The following TMPRSS4 variants were observed in gnomAD, a reference collection of about 807,000 sequenced individuals.
The protein encoded by TMPRSS4 is transmembrane serine protease 4.
In TMPRSS4, 45 loss-of-function variants were observed where a neutral mutation model predicts 56.4. The ratio of observed to expected loss-of-function variants is 0.80; its 90% CI spans 0.63 to 1.02. The LOEUF is 1.02. Ranked by LOEUF, TMPRSS4 falls within the 50% of genes least tolerant of loss-of-function variation. The pLI is 0.00. For missense variants in TMPRSS4, 546 were observed against 556.7 expected (o/e 0.98, Z 0.19); for synonymous variants, 205 against 211.0 (o/e 0.97, Z 0.25).
intron 3 of TMPRSS4, chr11:118,102,890 G>T: frequency 1.7e-6 from 1 of 593,634 alleles, no homozygotes; most frequent in Non-Finnish European, 3.0e-6. Flanking sequence ...CAGACATCTT[G>T]TGGGGGTGGG....
At chr11:118,077,974 T>C (rs1208436474) in intron 1 of TMPRSS4, among the ~76,000 whole-genome samples, 1 of 128,272 alleles carries the variant, frequency 7.8e-6, no homozygotes, top group Non-Finnish European at 1.5e-5. Flanking sequence ...GATTGTGCCA[T>C]TGCACTCCAA....
At chr11:118,081,025 T>G (rs781597222) in intron 1 of TMPRSS4, among the ~76,000 whole-genome samples, 9 of 152,268 alleles carry the variant, frequency 5.9e-5, no homozygotes, top group Non-Finnish European at 1.2e-4. Context: ...GGACAGGGTC[T>G]GTGTCTTTTC....
At position 118,111,316 on chromosome 11, in the gene TMPRSS4, G is replaced by T. The variant is rs77176658; in HGVS notation, c.584-425G>T. On this transcript the variant is annotated intron_variant, in intron 7 of 12. Coordinates refer to ENST00000437212, the MANE Select transcript of TMPRSS4 (RefSeq NM_019894.4). ...CAGACTTGGAGAAGGGGGAGTTTTG[G>T]ATGAGACAGTCCACTTCCGAGTCAC... Among the ~76,000 whole-genome samples, 1,344 of 152,244 alleles carry T rather than the reference G, an allele frequency of 8.8e-3. 18 individuals carry two copies. Among genetic ancestry groups the T allele is most frequent in the African/African-American group, 0.031 (1,288 of 41,534 alleles).
At chr11:118,081,422 G>A (rs183842662) in intron 1 of TMPRSS4, among the ~76,000 whole-genome samples, 5 of 152,280 alleles carry the variant, frequency 3.3e-5, no homozygotes, top group South Asian at 4.1e-4. Context: ...CCAGCACGTC[G>A]GCAGCTGAGA....
chr11:118,116,148 G>T (rs1591412982), intron 11 of TMPRSS4, among the ~76,000 whole-genome samples: 1 of 152,198 alleles, frequency 6.6e-6, no homozygotes, highest in South Asian at 2.1e-4. Flanking sequence ...CAGAGACAGG[G>T]TCACTATGTT....
At chr11:118,092,112 C>T (rs776524419) in intron 1 of TMPRSS4, among the ~76,000 whole-genome samples, 15 of 152,082 alleles carry the variant, frequency 9.9e-5, no homozygotes, top group African/African-American at 1.9e-4. Context: ...GGAAAGGAAA[C>T]GCTGACCACC....
intron 7 of TMPRSS4, 125 bp from the exon 8 acceptor site, chr11:118,111,616 C>A: frequency 2.9e-6 from 2 of 678,522 alleles, no homozygotes; most frequent in Non-Finnish European, 4.6e-6. Flanking sequence ...TTGGGCTGGT[C>A]CTCTCTCCAC....
chr11:118,111,180 G>C (rs1335557121), intron 7 of TMPRSS4, among the ~76,000 whole-genome samples: 1 of 152,210 alleles, frequency 6.6e-6, no homozygotes, highest in African/African-American at 2.4e-5. Context: ...TGGGTGGAGA[G>C]GGGGGACCTG....
chr11:118,080,584 G>A (rs867077850), intron 1 of TMPRSS4, among the ~76,000 whole-genome samples: 37 of 152,214 alleles, frequency 2.4e-4, no homozygotes, highest in Middle Eastern at 3.4e-3. Context: ...TCTTCCCTCA[G>A]TGCAGCTGAG....
chr11:118,115,461 A>C, intron 11 of TMPRSS4, 181 bp downstream of exon 11: 1 of 671,414 alleles, frequency 1.5e-6, no homozygotes, highest in Non-Finnish European at 2.5e-6. Context: ...GTACCAATAG[A>C]TGAGTGGGTG....
chr11:118,114,963 G>A (rs779926103), intron 10 of TMPRSS4, 36 bp downstream of exon 10: 1 of 1,570,748 alleles, frequency 6.4e-7, no homozygotes, highest in Non-Finnish European at 8.7e-7. Context: ...GGCAGGAGAT[G>A]CCCTTGTATG....
Position 118,105,286 on chromosome 11 carries a change from GCT to G in TMPRSS4, c.440+473_440+474del, listed in dbSNP as rs569894402. ...TGGGGCCCCATCTTCAGCAATCCCA[GCT>G]CTCTCTGCAAATTTCAAAAGCAGTT... On this transcript the variant is annotated intron_variant, in intron 5 of 12. Coordinates refer to ENST00000437212, the MANE Select transcript of TMPRSS4 (RefSeq NM_019894.4). 8.7e-4 allele frequency among the ~76,000 whole-genome samples: 132 copies of G among 152,272 alleles called. 1 individual carries two copies. In the South Asian group the frequency reaches 9.5e-3, roughly 11 times the overall value.
At chr11:118,110,264 CT>C (rs1322824355) in intron 7 of TMPRSS4, among the ~76,000 whole-genome samples, 1 of 152,022 alleles carries the variant, frequency 6.6e-6, no homozygotes, top group Non-Finnish European at 1.5e-5. Flanking sequence ...GGTCCCCAAC[CT>C]TTTTGGCACA....
chr11:118,125,369 G>A, downstream of TMPRSS4: 2 of 456,060 alleles, frequency 4.4e-6, no homozygotes, highest in Non-Finnish European at 8.8e-6. Context: ...TACCGCTGAT[G>A]GAGCTACGGT....
intron 1 of TMPRSS4, among the ~76,000 whole-genome samples, chr11:118,079,180 A>C (rs993768081): frequency 6.6e-6 from 1 of 152,094 alleles, no homozygotes; most frequent in African/African-American, 2.4e-5. Context: ...GGAGCTAGCC[A>C]TTATACTGCC....
chr11:118,099,516 C>G (rs1946626375), intron 3 of TMPRSS4, among the ~76,000 whole-genome samples: 1 of 138,160 alleles, frequency 7.2e-6, no homozygotes, highest in African/African-American at 2.6e-5. Context: ...GTATCCACCC[C>G]CTGCTTTGAA....
intron 1 of TMPRSS4, among the ~76,000 whole-genome samples, chr11:118,084,048 C>G (rs117457866): frequency 0.018 from 2,725 of 152,130 alleles, 124 homozygotes; most frequent in East Asian, 0.14. Flanking sequence ...AAAAACAAAA[C>G]AAAAAAACAA....
At position 118,118,222 on chromosome 11, in the gene TMPRSS4, T is replaced by C; in HGVS notation, c.*309T>C. The C allele has an allele frequency of 1.5e-6, 2 of 1,302,258 alleles. No homozygotes were observed. The highest frequency in any genetic ancestry group is 1.5e-5 in the African/African-American group (1 of 66,258). The allele number at this position is 1,302,258 out of a possible 1,614,324, so 80.7% of individuals were successfully genotyped here. A position where few individuals can be genotyped will look rare whatever the true frequency, so the allele number is the denominator to read the frequency against. The stretch of plus-strand genomic sequence containing the variant: ...CCAAGAAGGAACTTTCCCACACTAC[T>C]GAATGGAAGCAGGCTGTCTTGTAAA... On this transcript the variant is annotated 3_prime_UTR_variant, in exon 13 of 13. Transcript: ENST00000437212.
downstream of TMPRSS4, among the ~76,000 whole-genome samples, chr11:118,124,912 C>T (rs956083811): frequency 1.3e-5 from 2 of 152,242 alleles, no homozygotes; most frequent in African/African-American, 4.8e-5. Flanking sequence ...CCCATCTTCC[C>T]GCCTCTAGGC....
Sources: gnomAD v4.1 joint callset for allele counts (sites outside exome capture counted in the v4.1 genomes callset) on GRCh38, gnomAD v4.1.1 for gene constraint, MANE v1.5 for transcripts, NCBI Gene and HGNC (gene_info 2026-07-23, HGNC 2026-07-21) for gene names.